STRBP: variants seen among roughly 807,000 people sequenced by gnomAD.
STRBP encodes spermatid perinuclear RNA-binding protein.
STRBP carries 13 observed loss-of-function variants against 80.1 expected under a neutral mutation model. The observed-to-expected ratio is 0.16, with a 90% CI of 0.11 to 0.26. The LOEUF (loss-of-function observed/expected upper bound fraction) is 0.26, where lower values mean the gene tolerates loss of function less well. Among genes scored for constraint, STRBP ranks in the 10% least tolerant of loss-of-function variants. The probability of loss-of-function intolerance (pLI) is 1.00; values close to 1 mark genes in which losing one functional copy is unlikely to be tolerated. For missense variants in STRBP, 485 were observed against 815.2 expected, an observed-to-expected ratio of 0.59 and a Z score of 4.93; for synonymous variants, 284 against 291.2, an observed-to-expected ratio of 0.98 and a Z score of 0.25.
At chr9:123,254,397 C>G (rs370893820) in intron 1 of STRBP, among the ~76,000 whole-genome samples, 2 of 150,776 alleles carry the variant, frequency 1.3e-5, no homozygotes, top group East Asian at 1.9e-4. Context: ...GGAGGCGGAG[C>G]CTGCAGTGAA....
chr9:123,120,102 A>G (rs1175262187), downstream of STRBP, among the ~76,000 whole-genome samples: 2 of 152,122 alleles, frequency 1.3e-5, no homozygotes, highest in African/African-American at 4.8e-5. Context: ...ATTCTTATAT[A>G]AGTACTAGCT....
At chr9:123,229,618 C>G (rs1367625405) in intron 2 of STRBP, among the ~76,000 whole-genome samples, 1 of 152,154 alleles carries the variant, frequency 6.6e-6, no homozygotes, top group Non-Finnish European at 1.5e-5. Context: ...AGGATAATAT[C>G]TAATACACAA....
chr9:123,258,579 G>A (rs1007668740), intron 1 of STRBP, among the ~76,000 whole-genome samples: 1 of 152,084 alleles, frequency 6.6e-6, no homozygotes, highest in Non-Finnish European at 1.5e-5. Context: ...CAAGGCGGGC[G>A]GATCACGAGG....
At chr9:123,155,253 G>A (rs2037232940) in intron 11 of STRBP, among the ~76,000 whole-genome samples, 1 of 152,194 alleles carries the variant, frequency 6.6e-6, no homozygotes, top group African/African-American at 2.4e-5. Flanking sequence ...AGAAGGAGGT[G>A]TGAAATGTGA....
chr9:123,247,416 C>T (rs543135944), intron 1 of STRBP, among the ~76,000 whole-genome samples: 1 of 152,018 alleles, frequency 6.6e-6, no homozygotes, highest in African/African-American at 2.4e-5. Context: ...TACAGGCTCC[C>T]GCCACCCCAT....
chr9:123,170,263 C>A (rs1456778206), intron 5 of STRBP, among the ~76,000 whole-genome samples: 1 of 152,168 alleles, frequency 6.6e-6, no homozygotes, highest in Non-Finnish European at 1.5e-5. Flanking sequence ...TAAAAAGCAA[C>A]CACAATGTCA....
intron 13 of STRBP, among the ~76,000 whole-genome samples, chr9:123,144,302 T>C: frequency 6.6e-6 from 1 of 152,170 alleles, no homozygotes; most frequent in East Asian, 1.9e-4. Context: ...AAACCCTTGG[T>C]GCCAGGTTGT....
Position 123,124,453 on chromosome 9 carries a change from G to A in STRBP, c.*1144C>T, listed in dbSNP as rs1439984159. On this transcript the variant is annotated 3_prime_UTR_variant, in exon 19 of 19. Transcript: ENST00000348403. ...TGATCCATTTCCACCAGCATCATCA[G>A]GTGTCTTAAAAAGAAATGCTGACCC... 1 of 985,264 alleles carries A rather than the reference G, an allele frequency of 1.0e-6. No homozygotes were observed. Among genetic ancestry groups the A allele is most frequent in the East Asian group, 1.1e-4 (1 of 8,818 alleles). 61.0% of individuals were successfully genotyped at this position (985,264 alleles called of 1,614,324 possible).
chr9:123,206,054 C>T (rs1401124468), intron 2 of STRBP, among the ~76,000 whole-genome samples: 1 of 152,164 alleles, frequency 6.6e-6, no homozygotes, highest in Non-Finnish European at 1.5e-5. Context: ...TATTACAGTT[C>T]CGGCTCGACT....
At chr9:123,214,126 G>GTA (rs148518712) in intron 2 of STRBP, among the ~76,000 whole-genome samples, 3,176 of 141,126 alleles carry the variant, frequency 0.023, 61 homozygotes, top group South Asian at 0.085. Flanking sequence ...AAAGTGTGGT[G>GTA]TATATATATA....
chr9:123,133,316 C>G (rs2036219094), intron 16 of STRBP, among the ~76,000 whole-genome samples: 1 of 152,208 alleles, frequency 6.6e-6, no homozygotes, highest in Non-Finnish European at 1.5e-5. Context: ...AGTAAATTAT[C>G]TGCCAACAGG....
intron 2 of STRBP, among the ~76,000 whole-genome samples, chr9:123,215,175 T>C (rs1205377059): frequency 6.6e-6 from 1 of 152,094 alleles, no homozygotes; most frequent in Non-Finnish European, 1.5e-5. Flanking sequence ...CAAGCGATCC[T>C]CCCACCTCAG....
At chr9:123,168,831 C>A (rs1470980557) in intron 6 of STRBP, among the ~76,000 whole-genome samples, 1 of 152,168 alleles carries the variant, frequency 6.6e-6, no homozygotes, top group Non-Finnish European at 1.5e-5. Flanking sequence ...ATAAAAACAT[C>A]AGAAAAAGAA....
At chr9:123,137,398 G>GT (rs981599411) in intron 14 of STRBP, among the ~76,000 whole-genome samples, 21 of 151,148 alleles carry the variant, frequency 1.4e-4, no homozygotes, top group Non-Finnish European at 2.7e-4. Flanking sequence ...TGTTAATTTT[G>GT]TTTTTTTTGT....
At chr9:123,195,045 A>C (rs1007502979) in intron 2 of STRBP, among the ~76,000 whole-genome samples, 4 of 152,188 alleles carry the variant, frequency 2.6e-5, no homozygotes, top group Admixed American at 2.6e-4. Context: ...CTGAGTTCCA[A>C]ATTCACATTC....
At chr9:123,198,814 C>A (rs2039203204) in intron 2 of STRBP, among the ~76,000 whole-genome samples, 1 of 152,182 alleles carries the variant, frequency 6.6e-6, no homozygotes, top group Non-Finnish European at 1.5e-5. Flanking sequence ...ATGTAGCTTG[C>A]CAATTTTCCC....
chr9:123,130,848 AT>A (rs756559704), intron 17 of STRBP, among the ~76,000 whole-genome samples: 81 of 151,946 alleles, frequency 5.3e-4, no homozygotes, highest in Non-Finnish European at 9.3e-4. Context: ...CAATACACCA[AT>A]TTTGCTTCCT....
chr9:123,207,004 G>T (rs554240426), intron 2 of STRBP, among the ~76,000 whole-genome samples: 2 of 151,850 alleles, frequency 1.3e-5, no homozygotes, highest in East Asian at 3.9e-4. Context: ...GTTTTTCTGT[G>T]GTAAAATGAG....
rs201104391 is a variant in STRBP, at chr9:123,128,277, A to G, written c.1898-19T>C. On this transcript the variant is annotated intron_variant, in intron 17 of 18. Transcript: ENST00000348403. ...CCATAGCCTAGTGCAAAGAAGAAGA[A>G]GGCAGATCAGTCCAAGACCCAGGGC... is the stretch of plus-strand genomic sequence containing the variant. 6.2e-6 allele frequency: 10 copies of G among 1,614,002 alleles called. No individual in the cohort carries two copies. In the South Asian group the frequency reaches 8.8e-5, roughly 14 times the overall value.
Sources: allele counts gnomAD v4.1 joint callset (sites outside exome capture counted in the v4.1 genomes callset), GRCh38; gene constraint gnomAD v4.1.1; transcripts MANE v1.5; gene names NCBI Gene and HGNC (gene_info 2026-07-23, HGNC 2026-07-21).